BMP2K: variants seen among roughly 807,000 people sequenced by gnomAD.
The protein encoded by BMP2K is BMP2 inducible kinase, also known as BMP-2-inducible protein kinase.
BMP2K carries 74 observed loss-of-function variants against 116.0 expected under a neutral mutation model. That is an observed-to-expected ratio of 0.64 (90% confidence interval 0.53 to 0.77). The LOEUF is 0.77. BMP2K is among the 30% of genes least tolerant of loss of function. The probability of loss-of-function intolerance (pLI) is 0.00; values close to 1 mark genes in which losing one functional copy is unlikely to be tolerated. For synonymous variants in BMP2K, 486 were observed against 502.5 expected, an observed-to-expected ratio of 0.97 and a Z score of 0.44; for missense variants, 1,365 against 1,403.6, an observed-to-expected ratio of 0.97 and a Z score of 0.44.
At chr4:78,824,052 G>T (rs1478932857) in intron 1 of BMP2K, among the ~76,000 whole-genome samples, 1 of 152,148 alleles carries the variant, frequency 6.6e-6, no homozygotes, top group Non-Finnish European at 1.5e-5. Context: ...GCCCTGCATT[G>T]TTAGAGATTT....
At position 78,776,746 on chromosome 4, in the gene BMP2K, A is replaced by C. The variant is rs551213282; in HGVS notation, c.178+25A>C. On this transcript the variant is annotated intron_variant, in intron 1 of 15. Transcript: ENST00000502613. ...GGTACGGGCGCCCGGGGAGGCTCGG[A>C]CAGGCAGGTGAGGGAGGGTTGGGGT... The C allele has an allele frequency of 6.8e-5, 83 of 1,228,396 alleles. No individual in the cohort carries two copies. The Middle Eastern group carries it at 1.9e-3, about 28-fold the overall frequency. The allele number at this position is 1,228,396 out of a possible 1,614,324, so 76.1% of individuals were successfully genotyped here.
At chr4:78,887,947 A>G (rs1438348831) in intron 15 of BMP2K, 2 of 152,320 alleles carry the variant, frequency 1.3e-5, no homozygotes, top group Non-Finnish European at 2.9e-5. Context: ...CGATATATTC[A>G]TGGTAACTGT....
At chr4:78,846,727 A>G (rs1051687235) in intron 5 of BMP2K, among the ~76,000 whole-genome samples, 4 of 151,692 alleles carry the variant, frequency 2.6e-5, no homozygotes, top group South Asian at 2.1e-4. Context: ...GAGATTTACT[A>G]CTGTGTCAAG....
intron 3 of BMP2K, 107 bp downstream of exon 3, chr4:78,833,794 A>T: frequency 1.4e-6 from 1 of 715,082 alleles, no homozygotes; most frequent in Non-Finnish European, 2.4e-6. Context: ...CTAGTCACTT[A>T]TTGTAATCTT....
intron 15 of BMP2K, among the ~76,000 whole-genome samples, chr4:78,901,394 A>G (rs1028341038): frequency 6.6e-6 from 1 of 152,088 alleles, no homozygotes; most frequent in African/African-American, 2.4e-5. Context: ...TAAATTGGAG[A>G]TAATACTGGC....
At chr4:78,814,827 G>A (rs1729254995) in intron 1 of BMP2K, among the ~76,000 whole-genome samples, 1 of 151,848 alleles carries the variant, frequency 6.6e-6, no homozygotes. Context: ...AAAAAATATA[G>A]TTTGCTGCTC....
intron 14 of BMP2K, among the ~76,000 whole-genome samples, chr4:78,881,563 CAG>C (rs1376099748): frequency 6.6e-6 from 1 of 152,076 alleles, no homozygotes; most frequent in African/African-American, 2.4e-5. Flanking sequence ...GGTTTCCTCT[CAG>C]AGTTTAACTT....
In BMP2K at chr4:78,897,970, A is replaced by G. The variant is rs1733791860; in HGVS notation, c.2062+10686A>G. Among the ~76,000 whole-genome samples the G allele has an allele frequency of 5.3e-5, 8 of 152,304 alleles. No individual in the cohort carries two copies. In the South Asian group the frequency reaches 1.7e-3, roughly 32 times the overall value. The stretch of plus-strand genomic sequence containing the variant: ...ATTATTCTGTTGGTGCACAAAGGAG[A>G]GAGTTGCTTTATTCTGGTTGAGTTG... On this transcript the variant is annotated intron_variant, in intron 15 of 15. Transcript: ENST00000502613.
intron 4 of BMP2K, among the ~76,000 whole-genome samples, chr4:78,844,198 A>G (rs1293533928): frequency 1.3e-5 from 2 of 151,788 alleles, no homozygotes; most frequent in East Asian, 3.9e-4. Flanking sequence ...ACAGTTCCAT[A>G]TGGCAGATTC....
rs1008819406 is a variant in BMP2K at position 78,854,135 on chromosome 4, T to C, written c.883+3079T>C. 8.6e-5 allele frequency among the ~76,000 whole-genome samples: 13 copies of C among 150,600 alleles called. 1 individual carries two copies. In the East Asian group the frequency reaches 2.5e-3, roughly 29 times the overall value. The stretch of plus-strand genomic sequence containing the variant: ...TTTCTTACCTCCTTATTTTGTGCAG[T>C]AAGGTAATGATGAACACCAGGTAAA... On this transcript the variant is annotated intron_variant, in intron 7 of 15. Transcript: ENST00000502613.
At chr4:78,879,906 A>C (rs1312140434) in intron 14 of BMP2K, 7 of 152,212 alleles carry the variant, frequency 4.6e-5, no homozygotes, top group Non-Finnish European at 8.8e-5. Flanking sequence ...AATTAAATTG[A>C]TGATTAAATG....
At chr4:78,788,753 TG>T (rs200344301) in intron 1 of BMP2K, among the ~76,000 whole-genome samples, 1 of 151,490 alleles carries the variant, frequency 6.6e-6, no homozygotes, top group African/African-American at 2.4e-5. Flanking sequence ...TCCATAGGGA[TG>T]GTTGGAAGTG....
At chr4:78,830,299 TAAA>T (rs1244453762) in intron 2 of BMP2K, among the ~76,000 whole-genome samples, 4 of 152,232 alleles carry the variant, frequency 2.6e-5, no homozygotes, top group African/African-American at 9.6e-5. Context: ...ACAGTGGGCT[TAAA>T]ATATTCAGTA....
chr4:78,847,275 G>T lies in BMP2K; in HGVS notation c.750+6G>T, dbSNP rs1327361121. 1 of 1,568,850 alleles carries T rather than the reference G, an allele frequency of 6.4e-7. No individual in the cohort carries two copies. Among genetic ancestry groups the T allele is most frequent in the Admixed American group, 1.9e-5 (1 of 51,594 alleles). On this transcript the variant is annotated splice_donor_region_variant and intron_variant, in intron 6 of 15. Transcript: ENST00000502613. ...CCACCAAGGCTGATATCTGGGTAAG[G>T]CCAAGAAAGGCTGGAACTTGCTCTA...
At chr4:78,791,218 G>T (rs1043762123) in intron 1 of BMP2K, among the ~76,000 whole-genome samples, 4 of 151,938 alleles carry the variant, frequency 2.6e-5, no homozygotes, top group Non-Finnish European at 5.9e-5. Flanking sequence ...ATAGATTTTG[G>T]TAATGGTTCT....
chr4:78,837,253 C>T (rs982894426), intron 3 of BMP2K, among the ~76,000 whole-genome samples: 19 of 151,920 alleles, frequency 1.3e-4, no homozygotes, highest in African/African-American at 4.6e-4. Flanking sequence ...GTGCATAGTG[C>T]CATCTCAGCT....
chr4:78,904,049 G>T (rs933796855), intron 15 of BMP2K, among the ~76,000 whole-genome samples: 1 of 151,940 alleles, frequency 6.6e-6, no homozygotes. Flanking sequence ...ATGCTTTCAA[G>T]ATATAATTGG....
rs867296564 is a variant in BMP2K at position 78,820,897 on chromosome 4, C to T, written c.179-5140C>T. ...TGGACTGTTTTTTTAATATTACAGT[C>T]TTTTATCCTCTGAAAAAAATTGTGG... On this transcript the variant is annotated intron_variant, in intron 1 of 15. Coordinates refer to ENST00000502613, the MANE Select transcript of BMP2K (RefSeq NM_198892.2). 13 of 153,050 alleles carry T rather than the reference C, an allele frequency of 8.5e-5. No homozygotes were observed. In the South Asian group the frequency reaches 1.2e-3, roughly 15 times the overall value. 9.5% of individuals were successfully genotyped at this position (153,050 alleles called of 1,614,324 possible).
intron 13 of BMP2K, among the ~76,000 whole-genome samples, chr4:78,874,906 A>G (rs1390736174): frequency 2.7e-5 from 4 of 150,604 alleles, no homozygotes; most frequent in Admixed American, 6.6e-5. Context: ...TTTCTGTGTA[A>G]CTATTAAAAA....
Sources: allele counts gnomAD v4.1 joint callset (sites outside exome capture counted in the v4.1 genomes callset), GRCh38; gene constraint gnomAD v4.1.1; transcripts MANE v1.5; gene names NCBI Gene and HGNC (gene_info 2026-07-23, HGNC 2026-07-21).